NTS: variants seen among roughly 807,000 people sequenced by gnomAD.
NTS encodes the protein neurotensin/neuromedin N.
NTS carries 20 observed loss-of-function variants against 19.5 expected under a neutral mutation model. That is an observed-to-expected ratio of 1.02 (90% CI 0.72 to 1.49). The LOEUF (loss-of-function observed/expected upper bound fraction) is 1.49, where lower values mean the gene tolerates loss of function less well. NTS is among the 40% of genes most tolerant of loss of function. The pLI is 0.00. For synonymous variants in NTS, 71 were observed against 63.3 expected, an observed-to-expected ratio of 1.12 and a Z score of -0.58; for missense variants, 215 against 193.1, an observed-to-expected ratio of 1.11 and a Z score of -0.67.
At chr12:85,880,322 AAT>A (rs934463887) in intron 3 of NTS, among the ~76,000 whole-genome samples, 3 of 152,122 alleles carry the variant, frequency 2.0e-5, no homozygotes, top group African/African-American at 7.2e-5. Context: ...GGGGAAGAAA[AAT>A]AAATTCTTTA....
intron 2 of NTS, 125 bp from the exon 3 acceptor site, chr12:85,878,220 A>G: frequency 1.5e-6 from 1 of 664,140 alleles, no homozygotes; most frequent in Non-Finnish European, 2.6e-6. Context: ...TAAATAAATA[A>G]CACTATATTT....
At chr12:85,876,271 A>C (rs149868419) in intron 1 of NTS, among the ~76,000 whole-genome samples, 9 of 151,880 alleles carry the variant, frequency 5.9e-5, no homozygotes, top group Non-Finnish European at 1.2e-4. Context: ...GTTAATATGC[A>C]TATTTTCTAT....
chr12:85,880,945 C>A (rs1213649275), intron 3 of NTS, among the ~76,000 whole-genome samples: 2 of 152,008 alleles, frequency 1.3e-5, no homozygotes, highest in Non-Finnish European at 2.9e-5. Context: ...GAGCGAGACT[C>A]CATCTCGAGC....
intron 3 of NTS, 120 bp downstream of exon 3, chr12:85,878,689 A>G (rs759448826): frequency 1.4e-4 from 80 of 566,432 alleles, no homozygotes; most frequent in Non-Finnish European, 2.1e-4. Flanking sequence ...TTGAAGAAGA[A>G]CAAGCCATGT....
intron 2 of NTS, among the ~76,000 whole-genome samples, 195 bp downstream of exon 2, chr12:85,876,896 A>C (rs1881358477): frequency 6.6e-6 from 1 of 152,080 alleles, no homozygotes; most frequent in Non-Finnish European, 1.5e-5. Context: ...AAGAAATTAT[A>C]ATTCTATCAA....
In NTS at chr12:85,876,611, A is replaced by G. The variant is rs1005100714; in HGVS notation, c.74-29A>G. On this transcript the variant is annotated intron_variant, in intron 1 of 3. Transcript: ENST00000256010. The stretch of plus-strand genomic sequence containing the variant: ...TGATATAATTATATGATATGTAATT[A>G]TAGTAAACCTGATTTTGATTTTACT... 2.8e-6 allele frequency: 4 copies of G among 1,415,452 alleles called. No individual in the cohort carries two copies. In the African/African-American group the frequency reaches 5.7e-5, roughly 20 times the overall value. 87.7% of individuals were successfully genotyped at this position (1,415,452 alleles called of 1,614,324 possible).
At chr12:85,881,027 A>G (rs192093733) in intron 3 of NTS, among the ~76,000 whole-genome samples, 1 of 152,302 alleles carries the variant, frequency 6.6e-6, no homozygotes, top group Non-Finnish European at 1.5e-5. Context: ...TGTCCATTAT[A>G]TGTTATTTAT....
At chr12:85,876,729 G>A (rs1327116580) in intron 2 of NTS, 28 bp downstream of exon 2, 1 of 1,260,062 alleles carries the variant, frequency 7.9e-7, no homozygotes, top group Admixed American at 2.0e-5. Context: ...TTAACCCTGA[G>A]TTGAAGAACA....
chr12:85,881,883 A>G (rs1209608848), intron 3 of NTS, among the ~76,000 whole-genome samples: 4 of 152,096 alleles, frequency 2.6e-5, no homozygotes, highest in Non-Finnish European at 5.9e-5. Flanking sequence ...CCTGAAAAGT[A>G]CTCAAAGGTC....
rs1435740272 is a variant in NTS, at chr12:85,876,720, T to C, written c.135+19T>C. 4 of 1,390,856 alleles carry C rather than the reference T, an allele frequency of 2.9e-6. No homozygotes were observed. In the African/African-American group the frequency reaches 4.3e-5, roughly 15 times the overall value. The allele number at this position is 1,390,856 out of a possible 1,614,324, so 86.2% of individuals were successfully genotyped here. ...ATCAAAGGTAACTTTTTCTTTTCTT[T>C]AACCCTGAGTTGAAGAACATATGAA... On this transcript the variant is annotated intron_variant, in intron 2 of 3. Transcript: ENST00000256010.
chr12:85,877,159 G>C (rs987525767), intron 2 of NTS, among the ~76,000 whole-genome samples: 1 of 152,074 alleles, frequency 6.6e-6, no homozygotes, highest in Non-Finnish European at 1.5e-5. Flanking sequence ...GCAATGGACT[G>C]GTAAGCAGGA....
chr12:85,882,337 A>G lies in NTS; in HGVS notation c.475A>G (p.Arg159Gly), dbSNP rs1164824433. The change falls in exon 4 of 4, where the codon AGA becomes GGA. Residue 159 changes from arginine to glycine, a missense_variant. Physicochemically the swap from Arg to Gly is moderately radical, Grantham distance 125. Transcript: ENST00000256010. ...GCAGCTGTATGAGAATAAACCCAGA[A>G]GACCCTACATACTCAAAAGAGATTC... The part of the protein sequence containing the change: ...KRQLYENKPR[R>G]PYILKRDSYY... The G allele has an allele frequency of 1.9e-6, 3 of 1,603,264 alleles. No homozygotes were observed. The highest frequency in any genetic ancestry group is 3.5e-5 in the Admixed American group (2 of 57,226).
At chr12:85,878,955 A>C (rs986520563) in intron 3 of NTS, among the ~76,000 whole-genome samples, 1 of 151,552 alleles carries the variant, frequency 6.6e-6, no homozygotes, top group Admixed American at 6.6e-5. Flanking sequence ...ATAAACAAAC[A>C]CAGAATATAA....
chr12:85,881,402 A>G (rs1442295555), intron 3 of NTS, among the ~76,000 whole-genome samples: 1 of 152,196 alleles, frequency 6.6e-6, no homozygotes, highest in Non-Finnish European at 1.5e-5. Flanking sequence ...CATATTTTTA[A>G]AGTTTCTGTA....
intron 3 of NTS, among the ~76,000 whole-genome samples, chr12:85,880,576 T>A (rs1384438234): frequency 1.3e-5 from 2 of 152,278 alleles, no homozygotes; most frequent in East Asian, 3.9e-4. Flanking sequence ...AAAAAGATAA[T>A]TTCTAAACAA....
chr12:85,877,971 T>C (rs1881384071), intron 2 of NTS: 1 of 154,920 alleles, frequency 6.5e-6, no homozygotes. Context: ...TCTTTGTCAC[T>C]GCTCCATTAC....
At chr12:85,876,551 A>AT (rs537100261) in intron 1 of NTS, 89 bp from the exon 2 acceptor site, 373 of 710,766 alleles carry the variant, frequency 5.2e-4, no homozygotes, top group South Asian at 1.4e-3. Context: ...AACCTCTAAG[A>AT]TTTTTTTTTA....
Position 85,879,053 on chromosome 12 carries a change from A to G in NTS, c.360+484A>G, listed in dbSNP as rs1162231923. Among the ~76,000 whole-genome samples the G allele has an allele frequency of 2.9e-5, 4 of 139,028 alleles. 1 individual carries two copies. Among genetic ancestry groups the G allele is most frequent in the Admixed American group, 7.3e-5 (1 of 13,766 alleles). 91.2% of individuals were successfully genotyped at this position (139,028 alleles called of 152,430 possible). A position where few individuals can be genotyped will look rare whatever the true frequency, so the allele number is the denominator to read the frequency against. On this transcript the variant is annotated intron_variant, in intron 3 of 3. Coordinates refer to ENST00000256010, the MANE Select transcript of NTS (RefSeq NM_006183.5). Reference sequence around the variant, plus strand: ...AAATATATTTTTATGTACATAAAATATATTTTTATGTATATTTTAATGTAC... The same window carrying G: ...AAATATATTTTTATGTACATAAAATGTATTTTTATGTATATTTTAATGTAC...
intron 2 of NTS, chr12:85,878,134 T>A: frequency 9.3e-6 from 4 of 428,306 alleles, no homozygotes; most frequent in Non-Finnish European, 1.7e-5. Context: ...CATGTATATG[T>A]GAATATAACT....
Sources: allele counts gnomAD v4.1 joint callset (sites outside exome capture counted in the v4.1 genomes callset), GRCh38; gene constraint gnomAD v4.1.1; transcripts MANE v1.5; gene names NCBI Gene and HGNC (gene_info 2026-07-23, HGNC 2026-07-21).